Variants in ZNF251 observed in about 807,000 individuals in gnomAD.
ZNF251 encodes the protein zinc finger protein 251.
Under a neutral mutation model 13.5 loss-of-function variants are expected in ZNF251, and 14 were observed. That is an observed-to-expected ratio of 1.04 (90% CI 0.69 to 1.63). The LOEUF (loss-of-function observed/expected upper bound fraction) is 1.63. Ranked by LOEUF, ZNF251 falls within the 40% of genes most tolerant of loss-of-function variation. ZNF251 has a pLI of 0.00. For synonymous variants in ZNF251, 287 were observed against 295.2 expected (o/e 0.97, Z 0.28); for missense variants, 764 against 834.9 (o/e 0.92, Z 1.05).
chr8:144,750,011 CT>C (rs1002849673), intron 4 of ZNF251, among the ~76,000 whole-genome samples: 3 of 151,620 alleles, frequency 2.0e-5, no homozygotes, highest in Non-Finnish European at 1.5e-5. Flanking sequence ...CCACATCCAG[CT>C]TCTTAAAATT....
At chr8:144,732,569 T>C (rs1350745132) in intron 4 of ZNF251, among the ~76,000 whole-genome samples, 2 of 151,968 alleles carry the variant, frequency 1.3e-5, no homozygotes, top group Non-Finnish European at 2.9e-5. Flanking sequence ...TCCCAGCACT[T>C]GGGGAGGCCA....
In ZNF251 at chr8:144,722,797, G is replaced by T; in HGVS notation, c.863C>A (p.Thr288Asn). 6.2e-7 allele frequency: 1 copy of T among 1,614,118 alleles called. No individual in the cohort carries two copies. Among genetic ancestry groups the T allele is most frequent in the South Asian group, 1.1e-5 (1 of 91,082 alleles). The part of the protein sequence containing the change: ...SHLRLHRRIH[T>N]GEKPFGCGEC... Reference sequence around the variant, plus strand: ...ACCACAGCCAAAGGGTTTTTCTCCAGTGTGAATTCTCCGATGAAGACGGAG... The same window carrying T: ...ACCACAGCCAAAGGGTTTTTCTCCATTGTGAATTCTCCGATGAAGACGGAG... Residue 288 changes from threonine (T) to asparagine (N), a missense_variant, in exon 5 of 5, where the codon ACT (threonine) becomes AAT (asparagine). Physicochemically the swap from Thr to Asn is moderately conservative, Grantham distance 65 (BLOSUM62 0). Coordinates refer to ENST00000292562, the MANE Select transcript of ZNF251 (RefSeq NM_138367.2). This position sits in a 1 kb window ranked among gnomAD's most constrained non-coding sequence, Gnocchi z 4.8.
intron 4 of ZNF251, among the ~76,000 whole-genome samples, chr8:144,749,003 C>T (rs138459905): frequency 6.6e-6 from 1 of 151,650 alleles, no homozygotes; most frequent in Non-Finnish European, 1.5e-5. Flanking sequence ...CTGATCTCTA[C>T]AAAAATAAAA....
At position 144,734,968 on chromosome 8, in the gene ZNF251, G is replaced by C. The variant is rs1465408501; in HGVS notation, c.278-11586C>G. Among the ~76,000 whole-genome samples, 1 of 152,130 alleles carries C rather than the reference G, an allele frequency of 6.6e-6. No homozygotes were observed. The highest frequency in any genetic ancestry group is 6.6e-5 in the Admixed American group (1 of 15,258). On this transcript the variant is annotated intron_variant, in intron 4 of 4. Transcript: ENST00000292562. This position sits in a 1 kb window ranked among gnomAD's most constrained non-coding sequence, Gnocchi z 4.4. ...GCATGCCTGTGATCCCAGCTACTTG[G>C]GAGGCTGAGGCAGGAGAATCACTTG...
chr8:144,754,125 C>G, intron 3 of ZNF251, 67 bp downstream of exon 3: 1 of 1,555,942 alleles, frequency 6.4e-7, no homozygotes, highest in Admixed American at 1.9e-5. Flanking sequence ...ATCCAAAGAG[C>G]CAAAGCAGCC....
At chr8:144,741,402 A>G in intron 4 of ZNF251, among the ~76,000 whole-genome samples, 1 of 152,236 alleles carries the variant, frequency 6.6e-6, no homozygotes, top group Non-Finnish European at 1.5e-5. Context: ...AAACATGTAC[A>G]TACACACGAT....
In ZNF251 at chr8:144,754,281, GAGA is replaced by G. The variant is rs767365413; in HGVS notation, c.71_73del (p.Phe24del). On this transcript the variant is annotated inframe_deletion, in exon 3 of 5. Transcript: ENST00000292562. ...GCCCAGCTGCCGCCCCTCCGCCTGA[GAGA>G]AGTACACGGCCACATCCTGGAAGGT... The G allele has an allele frequency of 1.2e-6, 2 of 1,613,264 alleles. No homozygotes were observed. The highest frequency in any genetic ancestry group is 3.3e-5 in the Admixed American group (2 of 59,858).
intron 4 of ZNF251, among the ~76,000 whole-genome samples, chr8:144,750,846 G>GTTTTTTTTTTTTTT (rs58473905): frequency 1.4e-5 from 2 of 141,314 alleles, no homozygotes; most frequent in Non-Finnish European, 1.5e-5. Context: ...TCTCTCCAGA[G>GTTTTTTTTTTTTTT]TTTTTTTTTT....
Position 144,726,597 on chromosome 8 carries a change from G to A in ZNF251, c.278-3215C>T, listed in dbSNP as rs372545408. Among the ~76,000 whole-genome samples, 19 of 151,854 alleles carry A rather than the reference G, an allele frequency of 1.3e-4. No individual in the cohort carries two copies. The East Asian group carries it at 1.9e-3, about 16-fold the overall frequency. Reference sequence around the variant, plus strand: ...AAACTTAGCCAGGCATAGGTTGGGCGCGGTGGCTCACGCCTGTAATCCCAG... The same window carrying A: ...AAACTTAGCCAGGCATAGGTTGGGCACGGTGGCTCACGCCTGTAATCCCAG... On this transcript the variant is annotated intron_variant, in intron 4 of 4. Transcript: ENST00000292562.
chr8:144,750,501 GC>G (rs918246689), intron 4 of ZNF251, among the ~76,000 whole-genome samples: 1 of 152,154 alleles, frequency 6.6e-6, no homozygotes, highest in African/African-American at 2.4e-5. Flanking sequence ...AGCAGGTTAG[GC>G]CCTGGTAAAA....
chr8:144,728,809 G>A (rs530593042), intron 4 of ZNF251, among the ~76,000 whole-genome samples: 17 of 152,046 alleles, frequency 1.1e-4, no homozygotes, highest in East Asian at 3.9e-4. Flanking sequence ...AAAAATGTTC[G>A]CCAGGCGCAG....
At chr8:144,755,325 G>A in intron 1 of ZNF251, 80 bp downstream of exon 1, 4 of 1,282,296 alleles carry the variant, frequency 3.1e-6, no homozygotes, top group Non-Finnish European at 4.1e-6. Context: ...TGGACTGGCC[G>A]CCGCCTCCCC....
At chr8:144,732,095 AC>A (rs746059264) in intron 4 of ZNF251, among the ~76,000 whole-genome samples, 1 of 151,932 alleles carries the variant, frequency 6.6e-6, no homozygotes, top group Non-Finnish European at 1.5e-5. Context: ...GGCATGTGCC[AC>A]CACGCCTGGC....
chr8:144,734,556 C>A lies in ZNF251; in HGVS notation c.278-11174G>T, dbSNP rs1040111166. On this transcript the variant is annotated intron_variant, in intron 4 of 4. Coordinates refer to ENST00000292562, the MANE Select transcript of ZNF251 (RefSeq NM_138367.2). This position sits in a 1 kb window ranked among gnomAD's most constrained non-coding sequence, Gnocchi z 4.4. ...TGGGGCCTGGGGGCCAACCCTGACA[C>A]CAGAAAATGACGGCGCTGGTGGGTG... 1.3e-5 allele frequency among the ~76,000 whole-genome samples: 2 copies of A among 152,166 alleles called. No individual in the cohort carries two copies. The highest frequency in any genetic ancestry group is 4.8e-5 in the African/African-American group (2 of 41,446).
chr8:144,731,375 C>A (rs1823689545), intron 4 of ZNF251, among the ~76,000 whole-genome samples: 1 of 152,106 alleles, frequency 6.6e-6, no homozygotes, highest in South Asian at 2.1e-4. Context: ...TTCTGGGCAA[C>A]AATAACATTA....
intron 4 of ZNF251, among the ~76,000 whole-genome samples, chr8:144,739,130 C>G (rs562924367): frequency 5.9e-5 from 9 of 151,974 alleles, no homozygotes; most frequent in African/African-American, 2.2e-4. Context: ...CATCACGACT[C>G]CACCCCTCCA....
At chr8:144,737,598 C>T (rs768776515) in intron 4 of ZNF251, among the ~76,000 whole-genome samples, 4 of 152,028 alleles carry the variant, frequency 2.6e-5, no homozygotes, top group East Asian at 1.9e-4. Flanking sequence ...GTTGGGAGGC[C>T]AAGGCGGGTG....
chr8:144,738,524 G>A, intron 4 of ZNF251: 1 of 980,254 alleles, frequency 1.0e-6, no homozygotes, highest in Non-Finnish European at 1.2e-6. Context: ...AACTCCAGGA[G>A]GGTGTGGCTT....
chr8:144,742,817 C>T (rs1454719728), intron 4 of ZNF251, among the ~76,000 whole-genome samples: 5 of 152,156 alleles, frequency 3.3e-5, no homozygotes, highest in Non-Finnish European at 7.4e-5. Context: ...CCCACGTATA[C>T]CCAAATCCAT....
Sources: allele counts gnomAD v4.1 joint callset (sites outside exome capture counted in the v4.1 genomes callset), GRCh38; gene constraint gnomAD v4.1.1; non-coding constraint Gnocchi (gnomAD v3.1); transcripts MANE v1.5; gene names NCBI Gene and HGNC (gene_info 2026-07-23, HGNC 2026-07-21).